The following MARCHF1 variants were observed in gnomAD, a reference collection of about 807,000 sequenced individuals.
The protein encoded by MARCHF1 is E3 ubiquitin-protein ligase MARCHF1.
In MARCHF1, 40 loss-of-function variants were observed where a neutral mutation model predicts 54.2. That is an observed-to-expected ratio of 0.74 (90% CI 0.57 to 0.96). The LOEUF (loss-of-function observed/expected upper bound fraction) is 0.96. Ranked by LOEUF, MARCHF1 falls within the 40% of genes least tolerant of loss-of-function variation. The pLI is 0.00. For synonymous variants in MARCHF1, 236 were observed against 236.3 expected, an observed-to-expected ratio of 1.00 and a Z score of 0.01; for missense variants, 586 against 656.5, an observed-to-expected ratio of 0.89 and a Z score of 1.17.
intron 3 of MARCHF1, among the ~76,000 whole-genome samples, chr4:163,905,479 C>T (rs1403979978): frequency 2.0e-5 from 3 of 152,020 alleles, no homozygotes; most frequent in Non-Finnish European, 2.9e-5. Flanking sequence ...CTCAAGTTCA[C>T]TTTGCATATA....
At chr4:164,313,343 T>C (rs7699733) in intron 1 of MARCHF1, among the ~76,000 whole-genome samples, 14,191 of 134,518 alleles carry the variant, frequency 0.11, 1,220 homozygotes, top group East Asian at 0.33. Flanking sequence ...AGCAAGACTC[T>C]GTCTCAAAAA....
intron 9 of MARCHF1, among the ~76,000 whole-genome samples, chr4:163,531,947 A>G (rs1318529233): frequency 6.6e-6 from 1 of 151,924 alleles, no homozygotes; most frequent in Non-Finnish European, 1.5e-5. Flanking sequence ...ATAAAAGAAT[A>G]TCTGAATGAA....
intron 2 of MARCHF1, among the ~76,000 whole-genome samples, chr4:164,059,224 T>C (rs374904280): frequency 2.6e-5 from 4 of 152,350 alleles, no homozygotes; most frequent in East Asian, 1.9e-4. Flanking sequence ...TGTCCTGTTA[T>C]AGAGGCATTG....
intron 3 of MARCHF1, among the ~76,000 whole-genome samples, chr4:163,866,481 T>TATATATATATATATAA (rs1167768240): frequency 3.4e-5 from 5 of 145,474 alleles, no homozygotes; most frequent in South Asian, 4.2e-4. Context: ...TATATATATA[T>TATATATATATATATAA]AATAGGACTG....
At chr4:164,077,518 A>G (rs1339266167) in intron 2 of MARCHF1, among the ~76,000 whole-genome samples, 1 of 152,232 alleles carries the variant, frequency 6.6e-6, no homozygotes, top group African/African-American at 2.4e-5. Flanking sequence ...ACAAAAGCCA[A>G]AGTGGACACA....
At chr4:163,670,169 TATG>T (rs1274982496) in intron 5 of MARCHF1, among the ~76,000 whole-genome samples, 2 of 152,026 alleles carry the variant, frequency 1.3e-5, no homozygotes, top group Admixed American at 6.6e-5. Context: ...AAATTAAAAA[TATG>T]ATATAAAATT....
intron 4 of MARCHF1, among the ~76,000 whole-genome samples, chr4:163,811,921 G>C (rs538948830): frequency 1.3e-5 from 2 of 152,220 alleles, no homozygotes; most frequent in South Asian, 2.1e-4. Context: ...GGATTTCCAG[G>C]AGAGAACAGC....
chr4:163,933,692 C>A (rs1434143165), intron 3 of MARCHF1, among the ~76,000 whole-genome samples: 2 of 152,216 alleles, frequency 1.3e-5, no homozygotes, highest in Admixed American at 6.5e-5. Flanking sequence ...CAATAAGCAA[C>A]TTTTCCATGC....
intron 1 of MARCHF1, among the ~76,000 whole-genome samples, chr4:164,231,608 T>A (rs1401754007): frequency 2.0e-5 from 3 of 152,198 alleles, no homozygotes; most frequent in Non-Finnish European, 4.4e-5. Flanking sequence ...GAGTTAGAAA[T>A]GAGTATAGAC....
chr4:163,730,502 T>G (rs547394970), intron 4 of MARCHF1, among the ~76,000 whole-genome samples: 1 of 152,152 alleles, frequency 6.6e-6, no homozygotes. Context: ...AATGTAATTG[T>G]GTGGTAACTC....
At chr4:163,930,480 T>TG (rs1014403658) in intron 3 of MARCHF1, among the ~76,000 whole-genome samples, 1 of 140,072 alleles carries the variant, frequency 7.1e-6, no homozygotes, top group Non-Finnish European at 1.5e-5. Flanking sequence ...AAAATGGTGT[T>TG]TTTTTTTTTT....
intron 4 of MARCHF1, among the ~76,000 whole-genome samples, chr4:163,752,141 A>C (rs1746539355): frequency 6.6e-6 from 1 of 152,228 alleles, no homozygotes; most frequent in African/African-American, 2.4e-5. Flanking sequence ...TTAGAAAAAA[A>C]TTCAGCATTG....
Position 163,612,344 on chromosome 4 carries a change from G to C in MARCHF1, c.937C>G (p.Leu313Val), listed in dbSNP as rs1331960620. 1 of 1,534,982 alleles carries C rather than the reference G, an allele frequency of 6.5e-7. No homozygotes were observed. The highest frequency in any genetic ancestry group is 1.4e-5 in the African/African-American group (1 of 72,960). Residue 313 changes from leucine (L) to valine (V), a missense_variant, in exon 7 of 10, where the codon CTC becomes GTC. By Grantham distance (32) the Leu-to-Val change is conservative (BLOSUM62 1). This residue lies in a region of MARCHF1 where 387 missense variants were observed against 394.6 expected (regional missense o/e 0.98). Transcript: ENST00000514618. ...EGSKDMNDAG[L>V]QVNNPVQKPP... Reference sequence around the variant, plus strand: ...TTCTGAACAGGGTTATTCACCTGGAGCCCTGCATCATTCATGTCCTTGCTG... The same window carrying C: ...TTCTGAACAGGGTTATTCACCTGGACCCCTGCATCATTCATGTCCTTGCTG...
chr4:164,325,076 A>C (rs7667591), intron 1 of MARCHF1, among the ~76,000 whole-genome samples: 2,592 of 152,076 alleles, frequency 0.017, 68 homozygotes, highest in African/African-American at 0.059. Context: ...AATCATATCG[A>C]TATTTTATTA....
chr4:163,546,565 C>T (rs895842412), intron 8 of MARCHF1, among the ~76,000 whole-genome samples: 7 of 152,048 alleles, frequency 4.6e-5, no homozygotes, highest in Admixed American at 3.3e-4. Context: ...TTTGAATGAC[C>T]GAATGATACC....
rs146017186 is a variant in MARCHF1 at position 163,871,527 on chromosome 4, G to C, written c.-38-17358C>G. Among the ~76,000 whole-genome samples, 25 of 152,268 alleles carry C rather than the reference G, an allele frequency of 1.6e-4. 1 individual carries two copies. In the East Asian group the frequency reaches 4.6e-3, roughly 28 times the overall value. On this transcript the variant is annotated intron_variant, in intron 3 of 9. Coordinates refer to ENST00000514618, the MANE Select transcript of MARCHF1 (RefSeq NM_001394959.1). ...TGTATATACAAGTCTTTGCCTGCTA[G>C]AGAATTTCATAATAAAAAGCATAGA...
intron 3 of MARCHF1, among the ~76,000 whole-genome samples, chr4:163,939,324 C>A (rs1751863061): frequency 6.6e-6 from 1 of 152,104 alleles, no homozygotes; most frequent in Non-Finnish European, 1.5e-5. Context: ...CTTCCTGTAT[C>A]CTTGATAATT....
intron 7 of MARCHF1, among the ~76,000 whole-genome samples, chr4:163,596,952 A>G (rs1740795189): frequency 4.1e-5 from 3 of 73,582 alleles, no homozygotes; most frequent in African/African-American, 1.0e-4. Context: ...AATTACCCCA[A>G]TTATTATTAT....
At chr4:164,237,724 G>A (rs528700268) in intron 1 of MARCHF1, among the ~76,000 whole-genome samples, 23 of 152,044 alleles carry the variant, frequency 1.5e-4, no homozygotes, top group African/African-American at 4.6e-4. Context: ...AAAATGCAGC[G>A]TAGTGTTTTG....
Sources: allele counts gnomAD v4.1 joint callset (sites outside exome capture counted in the v4.1 genomes callset), GRCh38; gene constraint gnomAD v4.1.1; regional missense constraint gnomAD v4.1.1; transcripts MANE v1.5; gene names NCBI Gene and HGNC (gene_info 2026-07-23, HGNC 2026-07-21).